SCAI: variants seen among roughly 807,000 people sequenced by gnomAD.
SCAI encodes the protein suppressor of cancer cell invasion.
Under a neutral mutation model 92.2 loss-of-function variants are expected in SCAI, and 24 were observed. The observed-to-expected ratio is 0.26, with a 90% confidence interval of 0.19 to 0.37. The LOEUF (loss-of-function observed/expected upper bound fraction) is 0.37. Ranked by LOEUF, SCAI falls within the 10% of genes least tolerant of loss-of-function variation. SCAI has a pLI of 1.00. For synonymous variants in SCAI, 261 were observed against 258.6 expected, an observed-to-expected ratio of 1.01 and a Z score of -0.09; for missense variants, 450 against 736.2, an observed-to-expected ratio of 0.61 and a Z score of 4.50.
At chr9:125,073,245 C>T (rs1331746267) in intron 2 of SCAI, among the ~76,000 whole-genome samples, 4 of 149,982 alleles carry the variant, frequency 2.7e-5, no homozygotes, top group African/African-American at 9.8e-5. Context: ...GCTGGGACTA[C>T]AGGCGCCCGC....
chr9:124,962,841 C>T (rs1484046691), intron 17 of SCAI, among the ~76,000 whole-genome samples: 1 of 151,370 alleles, frequency 6.6e-6, no homozygotes, highest in African/African-American at 2.4e-5. Flanking sequence ...CTCTGTCACC[C>T]AGGCTGGAGT....
At chr9:125,012,556 T>A (rs1832661117) in intron 9 of SCAI, among the ~76,000 whole-genome samples, 1 of 152,086 alleles carries the variant, frequency 6.6e-6, no homozygotes, top group South Asian at 2.1e-4. Context: ...ACAAAGAGAC[T>A]TAGACTCCCA....
chr9:124,974,520 C>T (rs1007736699), intron 15 of SCAI, among the ~76,000 whole-genome samples: 1 of 151,898 alleles, frequency 6.6e-6, no homozygotes, highest in Admixed American at 6.6e-5. Context: ...CTTTAGATCT[C>T]AGAAGTGCTT....
Position 125,130,936 on chromosome 9 carries a change from CTTTTTTT to C in SCAI, c.98+11690_98+11696del, listed in dbSNP as rs545651994. ...CTTATCTGGATCTTGGTTTGAACCGCTTTTTTTTTTTTTTTTTTTTTTTTTTGGAGAC... is the reference window on the plus strand; with the variant it reads ...CTTATCTGGATCTTGGTTTGAACCGCTTTTTTTTTTTTTTTTTTTGGAGAC... On this transcript the variant is annotated intron_variant, in intron 2 of 17. Transcript: ENST00000336505. 1.1e-3 allele frequency among the ~76,000 whole-genome samples: 83 copies of C among 77,284 alleles called. 1 individual carries two copies. Among genetic ancestry groups the C allele is most frequent in the African/African-American group, 3.8e-3 (75 of 19,994 alleles). 50.7% of individuals were successfully genotyped at this position (77,284 alleles called of 152,430 possible).
At chr9:125,141,301 C>T (rs1165127150) in intron 2 of SCAI, among the ~76,000 whole-genome samples, 1 of 152,162 alleles carries the variant, frequency 6.6e-6, no homozygotes, top group Non-Finnish European at 1.5e-5. Flanking sequence ...ATCAGCATTT[C>T]GTGTCTATTT....
intron 3 of SCAI, among the ~76,000 whole-genome samples, chr9:125,040,239 C>G (rs1478549435): frequency 6.6e-6 from 1 of 152,084 alleles, no homozygotes; most frequent in African/African-American, 2.4e-5. Flanking sequence ...TGCCTGTGGT[C>G]CCAGCTACTT....
intron 13 of SCAI, among the ~76,000 whole-genome samples, chr9:124,998,481 T>A (rs1230624447): frequency 2.7e-5 from 4 of 150,850 alleles, no homozygotes; most frequent in Admixed American, 6.6e-5. Context: ...ATACTAGAGG[T>A]TGGGAAGGGT....
intron 9 of SCAI, among the ~76,000 whole-genome samples, chr9:125,004,743 A>T: frequency 6.9e-5 from 1 of 14,544 alleles, no homozygotes; most frequent in Non-Finnish European, 1.2e-4. Flanking sequence ...CCATATATAT[A>T]TATATATATA....
chr9:125,002,488 G>GTGTTTTT (rs1554779239), intron 11 of SCAI, among the ~76,000 whole-genome samples: 3 of 125,106 alleles, frequency 2.4e-5, no homozygotes, highest in Non-Finnish European at 4.8e-5. Flanking sequence ...TTTTTAGTCT[G>GTGTTTTT]TTTTTTTTTT....
intron 13 of SCAI, among the ~76,000 whole-genome samples, chr9:124,995,858 C>T (rs976505188): frequency 6.6e-6 from 1 of 151,924 alleles, no homozygotes; most frequent in Admixed American, 6.6e-5. Flanking sequence ...TTTGACTGGC[C>T]CACAGAAGAG....
chr9:125,003,730 G>C (rs564390563), intron 9 of SCAI, 160 bp from the exon 10 acceptor site: 559 of 596,098 alleles, frequency 9.4e-4, no homozygotes, highest in Non-Finnish European at 1.5e-3. Flanking sequence ...GCGATGGAAA[G>C]ACTGGAAGAA....
intron 17 of SCAI, among the ~76,000 whole-genome samples, chr9:124,956,588 GAA>G (rs1453369995): frequency 6.6e-6 from 1 of 152,116 alleles, no homozygotes; most frequent in Non-Finnish European, 1.5e-5. Context: ...AGTAGATGCA[GAA>G]AAAAGTTTTG....
At chr9:124,984,510 A>G (rs1207071167) in intron 14 of SCAI, among the ~76,000 whole-genome samples, 1 of 152,190 alleles carries the variant, frequency 6.6e-6, no homozygotes, top group Non-Finnish European at 1.5e-5. Context: ...AGGAGGTAAT[A>G]GGATCTTGGA....
intron 2 of SCAI, among the ~76,000 whole-genome samples, chr9:125,117,820 T>C (rs1835078546): frequency 6.6e-6 from 1 of 152,142 alleles, no homozygotes; most frequent in African/African-American, 2.4e-5. Context: ...CTGAATAATT[T>C]CAATGTCACT....
At chr9:125,094,863 C>T (rs1834512640) in intron 2 of SCAI, among the ~76,000 whole-genome samples, 1 of 152,082 alleles carries the variant, frequency 6.6e-6, no homozygotes, top group African/African-American at 2.4e-5. Context: ...GGGACATTTC[C>T]CTATCTCCAA....
At chr9:125,087,310 C>T (rs747669729) in intron 2 of SCAI, among the ~76,000 whole-genome samples, 74 of 152,190 alleles carry the variant, frequency 4.9e-4, no homozygotes, top group Admixed American at 2.6e-3. Flanking sequence ...TAGTAGCAGC[C>T]ATCCAACAAA....
intron 2 of SCAI, among the ~76,000 whole-genome samples, chr9:125,092,481 G>GA (rs1451177923): frequency 6.6e-6 from 1 of 151,966 alleles, no homozygotes; most frequent in Non-Finnish European, 1.5e-5. Flanking sequence ...AACCACCAGA[G>GA]AAAATCAGTA....
rs762759075 is a variant in SCAI, at chr9:125,017,250, A to C, written c.861+1549T>G. On this transcript the variant is annotated intron_variant, in intron 9 of 17. Coordinates refer to ENST00000336505, the MANE Select transcript of SCAI (RefSeq NM_001144877.3). ...CTTGTACTAGTTGCCAGGATATGCT[A>C]TTATCAGTTTCTTGGTCTCTTTTGT... is the stretch of plus-strand genomic sequence containing the variant. Among the ~76,000 whole-genome samples, 7 of 152,208 alleles carry C rather than the reference A, an allele frequency of 4.6e-5. 1 individual carries two copies. Among genetic ancestry groups the C allele is most frequent in the Non-Finnish European group, 1.0e-4 (7 of 68,008 alleles).
At chr9:125,074,103 C>CA (rs1335868914) in intron 2 of SCAI, among the ~76,000 whole-genome samples, 2 of 151,356 alleles carry the variant, frequency 1.3e-5, no homozygotes, top group South Asian at 2.1e-4. Context: ...ACTAAAAATA[C>CA]AAAAAATTAG....
Sources: gnomAD v4.1 joint callset for allele counts (sites outside exome capture counted in the v4.1 genomes callset) on GRCh38, gnomAD v4.1.1 for gene constraint, MANE v1.5 for transcripts, NCBI Gene and HGNC (gene_info 2026-07-23, HGNC 2026-07-21) for gene names.